The following UNC45A variants were observed in gnomAD, a reference collection of about 807,000 sequenced individuals.
UNC45A encodes unc-45 myosin chaperone A, also known as protein unc-45 homolog A.
UNC45A carries 78 observed loss-of-function variants against 103.2 expected under a neutral mutation model. That is an observed-to-expected ratio of 0.76 (90% CI 0.63 to 0.91). The LOEUF (loss-of-function observed/expected upper bound fraction) is 0.91, where lower values mean the gene tolerates loss of function less well. Among genes scored for constraint, UNC45A ranks in the 40% least tolerant of loss-of-function variants. UNC45A has a pLI of 0.00. For missense variants in UNC45A, 1,193 were observed against 1,224.8 expected, an observed-to-expected ratio of 0.97 and a Z score of 0.39; for synonymous variants, 495 against 504.6, an observed-to-expected ratio of 0.98 and a Z score of 0.25.
intron 17 of UNC45A, 76 bp downstream of exon 17, chr15:90,950,691 G>A: frequency 1.4e-6 from 2 of 1,426,084 alleles, no homozygotes; most frequent in African/African-American, 2.8e-5. Flanking sequence ...TTTACACATT[G>A]GGAAACACTC....
chr15:90,940,535 C>T (rs755089820), intron 6 of UNC45A, 62 bp downstream of exon 6: 191 of 1,551,762 alleles, frequency 1.2e-4, no homozygotes, highest in Non-Finnish European at 1.3e-4. Context: ...CCATCCATTC[C>T]TCCATCCACC....
chr15:90,948,593 C>T, intron 12 of UNC45A, 61 bp from the exon 13 acceptor site: 1 of 1,587,904 alleles, frequency 6.3e-7, no homozygotes, highest in Non-Finnish European at 8.6e-7. Context: ...GCCTGGGCAG[C>T]ATTTATCTGA....
chr15:90,930,855 T>C (rs878881262), upstream of UNC45A: 8 of 221,100 alleles, frequency 3.6e-5, no homozygotes, highest in South Asian at 4.7e-4. Flanking sequence ...CAATTAGTCC[T>C]GCTTTGCTGA....
At chr15:90,935,732 C>T (rs2035978152) in intron 2 of UNC45A, 27 bp downstream of exon 2, 2 of 1,536,904 alleles carry the variant, frequency 1.3e-6, no homozygotes, top group Non-Finnish European at 1.7e-6. Flanking sequence ...CTCTTCCCCT[C>T]GCCCGCCCGG....
At chr15:90,948,304 G>A (rs770968549) in intron 12 of UNC45A, 21 bp downstream of exon 12, 25 of 1,611,872 alleles carry the variant, frequency 1.6e-5, no homozygotes, top group Middle Eastern at 3.3e-4. Flanking sequence ...GGTTCCTGCC[G>A]TCAGCCTGGG....
upstream of UNC45A, chr15:90,931,172 G>A: frequency 7.2e-7 from 1 of 1,386,632 alleles, no homozygotes; most frequent in Non-Finnish European, 9.8e-7. Flanking sequence ...CTAATATCTG[G>A]GAAGGATGGA....
At chr15:90,949,829 T>G (rs17636026) in intron 15 of UNC45A, 109 bp downstream of exon 15, 1 of 1,203,712 alleles carries the variant, frequency 8.3e-7, no homozygotes, top group African/African-American at 1.5e-5. Context: ...CAGAAAAACA[T>G]TAATGGCCAG....
chr15:90,935,744 C>T, intron 2 of UNC45A, 39 bp downstream of exon 2: 2 of 1,528,330 alleles, frequency 1.3e-6, no homozygotes, highest in Non-Finnish European at 1.8e-6. Context: ...CCCGCCCGGG[C>T]CCCGGTTCGC....
chr15:90,935,259 T>C, upstream of UNC45A: 7 of 1,488,382 alleles, frequency 4.7e-6, no homozygotes, highest in East Asian at 4.9e-5. Flanking sequence ...GCCGGTGGCG[T>C]CCCGAACCCA....
At chr15:90,948,628 A>G (rs1442762143) in intron 12 of UNC45A, 26 bp from the exon 13 acceptor site, 1 of 1,611,004 alleles carries the variant, frequency 6.2e-7, no homozygotes, top group East Asian at 2.2e-5. Flanking sequence ...CGGGATGCCC[A>G]TGTGAATTCC....
chr15:90,952,951 GC>G lies in UNC45A; in HGVS notation c.2327del (p.Ala776ValfsTer4). 1 of 1,613,160 alleles carries G rather than the reference GC, an allele frequency of 6.2e-7. No individual in the cohort carries two copies. The highest frequency in any genetic ancestry group is 8.5e-7 in the Non-Finnish European group (1 of 1,180,026). ...RLRQKILKEK[A>X]VPMIEGYMFE... ...CAGGCAGAAGATCCTGAAGGAGAAG[GC>G]TGTGCCCATGATAGAAGGCTACATG... On this transcript the variant is annotated frameshift_variant, in exon 18 of 20. Transcript: ENST00000418476. LOFTEE classifies it high-confidence loss of function.
At chr15:90,932,322 A>C (rs1324150681), upstream of UNC45A, 3 of 812,812 alleles carry the variant, frequency 3.7e-6, no homozygotes, top group Non-Finnish European at 5.5e-6. Context: ...TATCGCACTA[A>C]GCTTGGGACA....
At position 90,953,877 on chromosome 15, in the gene UNC45A, C is replaced by T. The variant is rs1264880928; in HGVS notation, c.*161C>T. ...GTCCTCTGTTCTGAGTCAGCGGCCACGTTCAGTCACACAGCCCTGCTTGGC... is the reference window on the plus strand; with the variant it reads ...GTCCTCTGTTCTGAGTCAGCGGCCATGTTCAGTCACACAGCCCTGCTTGGC... On this transcript the variant is annotated 3_prime_UTR_variant, in exon 20 of 20. Transcript: ENST00000418476. 1.2e-5 allele frequency: 13 copies of T among 1,043,846 alleles called. No individual in the cohort carries two copies. The highest frequency in any genetic ancestry group is 5.2e-5 in the East Asian group (2 of 38,106). The allele number at this position is 1,043,846 out of a possible 1,614,324, so 64.7% of individuals were successfully genotyped here.
chr15:90,932,102 G>A (rs747731076), upstream of UNC45A: 9 of 1,596,072 alleles, frequency 5.6e-6, no homozygotes, highest in Non-Finnish European at 7.7e-6. Context: ...GTCAGGATCC[G>A]TGCCACACCT....
chr15:90,931,476 C>T, upstream of UNC45A: 1 of 1,614,134 alleles, frequency 6.2e-7, no homozygotes, highest in Non-Finnish European at 8.5e-7. Context: ...CACTTCCTGG[C>T]AAGCTTGGTT....
intron 17 of UNC45A, among the ~76,000 whole-genome samples, chr15:90,951,786 C>T (rs566021440): frequency 3.9e-5 from 6 of 152,114 alleles, no homozygotes; most frequent in Admixed American, 1.3e-4. Flanking sequence ...GGTGTGGTGG[C>T]GTGCACCTGT....
At chr15:90,943,225 G>C in intron 8 of UNC45A, 143 bp downstream of exon 8, 1 of 1,056,762 alleles carries the variant, frequency 9.5e-7, no homozygotes, top group East Asian at 2.7e-5. Flanking sequence ...CCGGGAGTTT[G>C]AGATCAGCCT....
At position 90,943,636 on chromosome 15, in the gene UNC45A, A is replaced by G. The variant is rs139050171; in HGVS notation, c.1027+554A>G. Among the ~76,000 whole-genome samples the G allele has an allele frequency of 5.3e-5, 8 of 151,850 alleles. No homozygotes were observed. In the East Asian group the frequency reaches 1.2e-3, roughly 22 times the overall value. Reference sequence around the variant, plus strand: ...TTCTATCATATGCGTGTGCACATACATGCACATTGAGCGGGCCTGCAAGCA... The same window carrying G: ...TTCTATCATATGCGTGTGCACATACGTGCACATTGAGCGGGCCTGCAAGCA... On this transcript the variant is annotated intron_variant, in intron 8 of 19. Coordinates refer to ENST00000418476, the MANE Select transcript of UNC45A (RefSeq NM_018671.5).
chr15:90,937,594 C>T (rs1231056051), intron 4 of UNC45A, among the ~76,000 whole-genome samples: 5 of 151,186 alleles, frequency 3.3e-5, no homozygotes, highest in African/African-American at 1.2e-4. Flanking sequence ...TCAAGTGAGT[C>T]TCCTGCCTCA....
Sources: gnomAD v4.1 joint callset for allele counts (sites outside exome capture counted in the v4.1 genomes callset) on GRCh38, gnomAD v4.1.1 for gene constraint, MANE v1.5 for transcripts, NCBI Gene and HGNC (gene_info 2026-07-23, HGNC 2026-07-21) for gene names.